GALNTL6: variants seen among roughly 807,000 people sequenced by gnomAD.
GALNTL6 encodes the protein polypeptide N-acetylgalactosaminyltransferase like 6.
GALNTL6 carries 46 observed loss-of-function variants against 73.7 expected under a neutral mutation model. The observed-to-expected ratio is 0.62, with a 90% CI of 0.49 to 0.80. The LOEUF (loss-of-function observed/expected upper bound fraction) is 0.80, where lower values mean the gene tolerates loss of function less well. Among genes scored for constraint, GALNTL6 ranks in the 30% least tolerant of loss-of-function variants. The pLI is 0.00. For synonymous variants in GALNTL6, 259 were observed against 263.7 expected (o/e 0.98, Z 0.17); for missense variants, 604 against 755.0 (o/e 0.80, Z 2.34).
chr4:171,944,292 G>A (rs908682421), intron 2 of GALNTL6, among the ~76,000 whole-genome samples: 7 of 151,890 alleles, frequency 4.6e-5, no homozygotes, highest in Admixed American at 6.6e-5. Context: ...ACATTGTGTT[G>A]GAATAGAAGA....
intron 4 of GALNTL6, among the ~76,000 whole-genome samples, chr4:172,322,048 A>G (rs1202420946): frequency 6.6e-6 from 1 of 152,154 alleles, no homozygotes; most frequent in African/African-American, 2.4e-5. Flanking sequence ...TAAGAGAAGA[A>G]CGCCTCAAGT....
chr4:172,212,402 C>T (rs186708000), intron 2 of GALNTL6, among the ~76,000 whole-genome samples: 6 of 152,098 alleles, frequency 3.9e-5, no homozygotes, highest in South Asian at 2.1e-4. Context: ...CTTTGTGATC[C>T]GCCGCCTCAG....
intron 8 of GALNTL6, among the ~76,000 whole-genome samples, chr4:172,906,039 T>G (rs968432683): frequency 2.6e-5 from 4 of 152,120 alleles, no homozygotes; most frequent in Non-Finnish European, 4.4e-5. Flanking sequence ...TCCCACTAAG[T>G]GGGGAATCAG....
At chr4:172,734,601 G>T (rs1284591307) in intron 5 of GALNTL6, among the ~76,000 whole-genome samples, 1 of 152,184 alleles carries the variant, frequency 6.6e-6, no homozygotes, top group South Asian at 2.1e-4. Flanking sequence ...GGTTTTTACA[G>T]TCTTGAGAAG....
At chr4:172,149,353 C>T (rs185083924) in intron 2 of GALNTL6, among the ~76,000 whole-genome samples, 19 of 152,222 alleles carry the variant, frequency 1.2e-4, no homozygotes, top group Middle Eastern at 3.4e-3. Context: ...ACATTGTATG[C>T]GCTGCTTTGA....
intron 3 of GALNTL6, among the ~76,000 whole-genome samples, chr4:172,299,935 G>A (rs1304717493): frequency 1.3e-5 from 2 of 152,136 alleles, no homozygotes; most frequent in Admixed American, 6.5e-5. Flanking sequence ...TGAACTTTCT[G>A]TCTTGTTGAT....
At chr4:171,990,262 A>T (rs562513885) in intron 2 of GALNTL6, among the ~76,000 whole-genome samples, 1 of 152,234 alleles carries the variant, frequency 6.6e-6, no homozygotes, top group African/African-American at 2.4e-5. Context: ...AGTGCATACC[A>T]TGTATTGGGC....
At position 172,045,803 on chromosome 4, in the gene GALNTL6, C is replaced by T. The variant is rs183850939; in HGVS notation, c.139-183853C>T. 1.7e-4 allele frequency among the ~76,000 whole-genome samples: 26 copies of T among 151,928 alleles called. No individual in the cohort carries two copies. In the East Asian group the frequency reaches 5.0e-3, roughly 29 times the overall value. On this transcript the variant is annotated intron_variant, in intron 2 of 12. Transcript: ENST00000506823. ...AAAAAGAAAAACTAAACAAATTCCT[C>T]CCATGTAACTGAGATATGGTACACT...
chr4:172,050,314 G>A (rs1303251530), intron 2 of GALNTL6, among the ~76,000 whole-genome samples: 1 of 152,132 alleles, frequency 6.6e-6, no homozygotes, highest in Non-Finnish European at 1.5e-5. Flanking sequence ...GGTTTTTTAA[G>A]AGCAAGTGTA....
intron 10 of GALNTL6, among the ~76,000 whole-genome samples, chr4:172,996,653 A>C (rs1349324641): frequency 6.6e-6 from 1 of 152,194 alleles, no homozygotes; most frequent in Non-Finnish European, 1.5e-5. Flanking sequence ...ACAAAGAGTA[A>C]GTCCAAGCTA....
chr4:171,856,928 C>T (rs1173414082), intron 2 of GALNTL6, among the ~76,000 whole-genome samples: 2 of 152,086 alleles, frequency 1.3e-5, no homozygotes, highest in Non-Finnish European at 2.9e-5. Flanking sequence ...TCAATAAATA[C>T]TTATTGAGTA....
chr4:172,606,347 A>G (rs368621865), intron 5 of GALNTL6, among the ~76,000 whole-genome samples: 1 of 151,050 alleles, frequency 6.6e-6, no homozygotes, highest in South Asian at 2.1e-4. Flanking sequence ...CCAGCTACTC[A>G]GGAGGCTGAG....
chr4:172,113,243 T>G (rs1732903183), intron 2 of GALNTL6, among the ~76,000 whole-genome samples: 1 of 152,074 alleles, frequency 6.6e-6, no homozygotes, highest in South Asian at 2.1e-4. Flanking sequence ...TTAATGAATT[T>G]ATGCTATAGC....
chr4:172,122,436 G>A (rs1357156720), intron 2 of GALNTL6, among the ~76,000 whole-genome samples: 1 of 152,142 alleles, frequency 6.6e-6, no homozygotes, highest in Non-Finnish European at 1.5e-5. Context: ...GCACCAGGCA[G>A]TTTGGTGAAC....
At chr4:172,428,787 TCAATGAACGAAAA>T (rs1731321079) in intron 5 of GALNTL6, among the ~76,000 whole-genome samples, 1 of 152,176 alleles carries the variant, frequency 6.6e-6, no homozygotes, top group African/African-American at 2.4e-5. Context: ...TATTCTGCCA[TCAATGAACGAAAA>T]CTAAAGTATG....
At chr4:171,837,782 G>A (rs904937102) in intron 2 of GALNTL6, among the ~76,000 whole-genome samples, 4 of 149,592 alleles carry the variant, frequency 2.7e-5, no homozygotes, top group Non-Finnish European at 4.4e-5. Context: ...GGGGGAAAAC[G>A]CCCATGAGGA....
intron 2 of GALNTL6, among the ~76,000 whole-genome samples, chr4:171,947,310 A>G (rs937433032): frequency 3.9e-5 from 6 of 152,092 alleles, no homozygotes; most frequent in Non-Finnish European, 7.3e-5. Context: ...TGCACCTGGC[A>G]GGGTTGAGAA....
intron 2 of GALNTL6, among the ~76,000 whole-genome samples, chr4:172,062,718 T>C (rs1362363340): frequency 6.6e-6 from 1 of 152,200 alleles, no homozygotes; most frequent in East Asian, 1.9e-4. Flanking sequence ...ATGACTGGAA[T>C]CACTTGGCCT....
chr4:172,800,545 C>T (rs1024549906), intron 5 of GALNTL6, among the ~76,000 whole-genome samples: 13 of 152,092 alleles, frequency 8.5e-5, no homozygotes, highest in African/African-American at 2.9e-4. Flanking sequence ...TTGTGTAATG[C>T]TGATGGTAAG....
Sources: gnomAD v4.1 joint callset for allele counts (sites outside exome capture counted in the v4.1 genomes callset) on GRCh38, gnomAD v4.1.1 for gene constraint, MANE v1.5 for transcripts, NCBI Gene and HGNC (gene_info 2026-07-23, HGNC 2026-07-21) for gene names.